Variants in KRT76 observed in about 807,000 individuals in gnomAD.
KRT76 encodes keratin 76.
A neutral mutation model predicts 44.9 loss-of-function variants in KRT76; 47 were observed. That is an observed-to-expected ratio of 1.05 (90% CI 0.83 to 1.33). KRT76 has a LOEUF of 1.33. KRT76 is among the 40% of genes most tolerant of loss of function. KRT76 has a pLI of 0.00. For synonymous variants in KRT76, 331 were observed against 294.1 expected (o/e 1.13, Z -1.28); for missense variants, 860 against 775.8 (o/e 1.11, Z -1.29).
chr12:52,770,361 C>T (rs530294191), intron 7 of KRT76, among the ~76,000 whole-genome samples: 45 of 152,320 alleles, frequency 3.0e-4, no homozygotes, highest in African/African-American at 9.4e-4. Context: ...AGAAACTCAG[C>T]AGAAAGATCT....
Position 52,768,329 on chromosome 12 carries a change from A to C in KRT76, c.*384T>G. Reference sequence around the variant, plus strand: ...TTGGCCGTGCACCCTCCAGCACAGAACCCATGGCTCTGCCCTCCTCAGACA... The same window carrying C: ...TTGGCCGTGCACCCTCCAGCACAGACCCCATGGCTCTGCCCTCCTCAGACA... On this transcript the variant is annotated 3_prime_UTR_variant, in exon 9 of 9. Coordinates refer to ENST00000332411, the MANE Select transcript of KRT76 (RefSeq NM_015848.4). 5.4e-6 allele frequency: 1 copy of C among 186,606 alleles called. No homozygotes were observed. Among genetic ancestry groups the C allele is most frequent in the East Asian group, 1.4e-4 (1 of 7,200 alleles). 11.6% of individuals were successfully genotyped at this position (186,606 alleles called of 1,614,324 possible). A position where few individuals can be genotyped will look rare whatever the true frequency, so the allele number is the denominator to read the frequency against.
intron 3 of KRT76, among the ~76,000 whole-genome samples, 193 bp from the exon 4 acceptor site, chr12:52,773,071 C>G (rs1268975224): frequency 6.6e-6 from 1 of 152,104 alleles, no homozygotes; most frequent in African/African-American, 2.4e-5. Context: ...ATATCAAGCC[C>G]CAATACTTTA....
chr12:52,776,974 A>C lies in KRT76; in HGVS notation c.318T>G (p.Phe106Leu), dbSNP rs116352440. ...GGFGGSYGGG[F>L]GGGRGVGSGF... is the part of the protein sequence containing the mutation. ...CACTACCTACTCCTCTGCCACCACC[A>C]AAGCCACCACCATAGCTGCCCCCAA... Residue 106 changes from phenylalanine to leucine, a missense_variant, in exon 1 of 9, where the codon TTT becomes TTG. By Grantham distance (22) the Phe-to-Leu change is conservative. Transcript: ENST00000332411. The C allele has an allele frequency of 3.2e-3, 5,137 of 1,613,810 alleles. 142 individuals are homozygous for C. In the African/African-American group the frequency reaches 0.061, roughly 19 times the overall value.
intron 7 of KRT76, among the ~76,000 whole-genome samples, chr12:52,770,491 G>A (rs6421173): frequency 6.6e-6 from 1 of 152,014 alleles, no homozygotes; most frequent in Non-Finnish European, 1.5e-5. Context: ...TATGGACTCA[G>A]CTTCAGGGGT....
chr12:52,776,770 G>C lies in KRT76; in HGVS notation c.522C>G (p.Pro174=). ...LLQPLNVEID[P]QIGQVKAQER... ...CCTGGGCCTTTACTTGCCCAATCTG[G>C]GGGTCGATCTCCACATTGAGGGGCT... Residue 174 remains proline (P), a synonymous_variant, in exon 1 of 9, where the codon CCC becomes CCG. Coordinates refer to ENST00000332411, the MANE Select transcript of KRT76 (RefSeq NM_015848.4). 6.2e-7 allele frequency: 1 copy of C among 1,613,928 alleles called. No individual in the cohort carries two copies. The highest frequency in any genetic ancestry group is 8.5e-7 in the Non-Finnish European group (1 of 1,179,982).
At chr12:52,772,390 C>T (rs1240977909) in intron 4 of KRT76, 132 bp from the exon 5 acceptor site, 4 of 838,432 alleles carry the variant, frequency 4.8e-6, no homozygotes, top group Non-Finnish European at 7.2e-6. Flanking sequence ...ACATTTTAGG[C>T]CTGGCTACAG....
chr12:52,775,620 G>A lies in KRT76; in HGVS notation c.601-18C>T. 1.2e-6 allele frequency: 2 copies of A among 1,607,194 alleles called. No homozygotes were observed. The highest frequency in any genetic ancestry group is 1.1e-5 in the South Asian group (1 of 90,732). On this transcript the variant is annotated intron_variant, in intron 1 of 8. Coordinates refer to ENST00000332411, the MANE Select transcript of KRT76 (RefSeq NM_015848.4). ...AACCGCACCTGCATGAAAGAGGGGAGAAAAGGAGTCAGCCCCTTGAGTTGG... is the reference window on the plus strand; with the variant it reads ...AACCGCACCTGCATGAAAGAGGGGAAAAAAGGAGTCAGCCCCTTGAGTTGG...
At position 52,777,144 on chromosome 12, in the gene KRT76, C is replaced by G. The variant is rs1939275929; in HGVS notation, c.148G>C (p.Ala50Pro). 1 of 1,614,230 alleles carries G rather than the reference C, an allele frequency of 6.2e-7. No homozygotes were observed. The highest frequency in any genetic ancestry group is 8.5e-7 in the Non-Finnish European group (1 of 1,180,038). The stretch of plus-strand genomic sequence containing the variant: ...AGGCTGCGACTGCCAAAGCTGCCTG[C>G]TCCGCTCCTGAAGCCACAGGCCCCT... ...GGGACGFRSG[A>P]GSFGSRSLYN... The change falls in exon 1 of 9, where the codon GCA (alanine) becomes CCA (proline). Residue 50 changes from alanine to proline, a missense_variant. Ala to Pro is a conservative substitution (Grantham distance 27). Transcript: ENST00000332411.
At chr12:52,774,340 G>A (rs1390988946) in intron 2 of KRT76, among the ~76,000 whole-genome samples, 1 of 152,162 alleles carries the variant, frequency 6.6e-6, no homozygotes, top group Non-Finnish European at 1.5e-5. Flanking sequence ...ACTTTGCAAA[G>A]CACAATGTGT....
At chr12:52,775,703 A>G (rs1440603691) in intron 1 of KRT76, 101 bp from the exon 2 acceptor site, 1 of 852,990 alleles carries the variant, frequency 1.2e-6, no homozygotes, top group African/African-American at 1.7e-5. Flanking sequence ...CAGTTCTTCA[A>G]TCTACAATTT....
rs1463001515 is a variant in KRT76 at position 52,777,076 on chromosome 12, T to C, written c.216A>G (p.Ala72=). ...GSNKSISISV[A]AGSSRAGGFG... The stretch of plus-strand genomic sequence containing the variant: ...AGCCTCCAGCCCGGGAGCTGCCAGC[T>C]GCCACGCTGATGGAGATGCTCTTGT... Residue 72 remains alanine (A), a synonymous_variant, in exon 1 of 9, where the codon GCA becomes GCG. Transcript: ENST00000332411. 1.2e-6 allele frequency: 2 copies of C among 1,614,190 alleles called. No individual in the cohort carries two copies. Among genetic ancestry groups the C allele is most frequent in the Non-Finnish European group, 1.7e-6 (2 of 1,180,030 alleles).
chr12:52,771,447 T>A (rs557153434), intron 6 of KRT76, among the ~76,000 whole-genome samples: 1 of 152,320 alleles, frequency 6.6e-6, no homozygotes, highest in East Asian at 1.9e-4. Flanking sequence ...TGCTTTCCTA[T>A]GCTGTTACAG....
Position 52,768,760 on chromosome 12 carries a change from G to C in KRT76, c.1870C>G (p.Arg624Gly). ...KSGGGGSTSI[R>G]FSQTTSSSQH... Reference sequence around the variant, plus strand: ...CTTGAGCTCGTGGTCTGGGAGAAGCGGATACTGGTGCTGCCTCCACCACCA... The same window carrying C: ...CTTGAGCTCGTGGTCTGGGAGAAGCCGATACTGGTGCTGCCTCCACCACCA... The change falls in exon 9 of 9, where the codon CGC becomes GGC. Residue 624 changes from arginine (R) to glycine (G), a missense_variant. By Grantham distance (125) the Arg-to-Gly change is moderately radical. Coordinates refer to ENST00000332411, the MANE Select transcript of KRT76 (RefSeq NM_015848.4). 1 of 1,610,622 alleles carries C rather than the reference G, an allele frequency of 6.2e-7. No individual in the cohort carries two copies. The highest frequency in any genetic ancestry group is 1.7e-5 in the Admixed American group (1 of 59,942).
rs1939275577 is a variant in KRT76 at position 52,777,127 on chromosome 12, A to G, written c.165T>C (p.Ser55=). ...GFRSGAGSFG[S]RSLYNLGSNK... ...TGCTGCCCAGGTTGTAGAGGCTGCGACTGCCAAAGCTGCCTGCTCCGCTCC... is the reference window on the plus strand; with the variant it reads ...TGCTGCCCAGGTTGTAGAGGCTGCGGCTGCCAAAGCTGCCTGCTCCGCTCC... The change falls in exon 1 of 9, where the codon AGT becomes AGC. Residue 55 remains serine (S), a synonymous_variant. Coordinates refer to ENST00000332411, the MANE Select transcript of KRT76 (RefSeq NM_015848.4). The G allele has an allele frequency of 6.2e-7, 1 of 1,614,188 alleles. No individual in the cohort carries two copies. The highest frequency in any genetic ancestry group is 8.5e-7 in the Non-Finnish European group (1 of 1,180,038).
intron 7 of KRT76, among the ~76,000 whole-genome samples, chr12:52,770,153 T>C (rs1215767623): frequency 6.6e-6 from 1 of 152,194 alleles, no homozygotes; most frequent in Non-Finnish European, 1.5e-5. Flanking sequence ...TGAGAAGATA[T>C]GGATTGGGTC....
Position 52,768,394 on chromosome 12 carries a change from A to G in KRT76, c.*319T>C, listed in dbSNP as rs1253735963. 2 of 281,672 alleles carry G rather than the reference A, an allele frequency of 7.1e-6. No individual in the cohort carries two copies. The highest frequency in any genetic ancestry group is 2.1e-5 in the African/African-American group (1 of 46,858). 17.4% of individuals were successfully genotyped at this position (281,672 alleles called of 1,614,324 possible). ...GGCTTCAAATCTCCAACTCCCAGTA[A>G]GAAAGGGAGATGGGCCAGAGTGGGA... On this transcript the variant is annotated 3_prime_UTR_variant, in exon 9 of 9. Transcript: ENST00000332411.
Position 52,771,058 on chromosome 12 carries a change from C to T in KRT76, c.1425G>A (p.Lys475=), listed in dbSNP as rs61730595. 7.3e-3 allele frequency: 11,820 copies of T among 1,614,082 alleles called. 608 individuals are homozygous for T. In the African/African-American group the frequency reaches 0.13, roughly 17 times the overall value. Residue 475 remains lysine (K), a synonymous_variant, in exon 7 of 9, where the codon AAG becomes AAA. Coordinates refer to ENST00000332411, the MANE Select transcript of KRT76 (RefSeq NM_015848.4). Reference sequence around the variant, plus strand: ...TGGCAATCTCCACATCCAGGGCCAGCTTGACGTTCATCAGCTCCTGGTAGT... The same window carrying T: ...TGGCAATCTCCACATCCAGGGCCAGTTTGACGTTCATCAGCTCCTGGTAGT... ...LRDYQELMNV[K]LALDVEIATY...
At position 52,768,982 on chromosome 12, in the gene KRT76, C is replaced by T; in HGVS notation, c.1648G>A (p.Gly550Arg). The T allele has an allele frequency of 1.8e-6, 2 of 1,110,146 alleles. No homozygotes were observed. Among genetic ancestry groups the T allele is most frequent in the Non-Finnish European group, 2.7e-6 (2 of 740,958 alleles). The allele number at this position is 1,110,146 out of a possible 1,614,324, so 68.8% of individuals were successfully genotyped here. ...CCACTGCCGCTGCCGCCACTGACTC[C>T]ATAGCCACTGCTGCTGCTGCTGCTG... is the stretch of plus-strand genomic sequence containing the variant. ...GSSSSSSSGY[G>R]VSGGSGSGYG... Residue 550 changes from glycine (G) to arginine (R), a missense_variant, in exon 9 of 9, where the codon GGA (glycine) becomes AGA (arginine). Gly to Arg is a moderately radical substitution (Grantham distance 125). Transcript: ENST00000332411.
At position 52,775,571 on chromosome 12, in the gene KRT76, AG is replaced by A. The variant is rs765570274; in HGVS notation, c.631del (p.Leu211TrpfsTer35). ...CTGGAGCAGTTCCCACTTGGTCTCC[AG>A]GACCTTGTTCTGCTGTTCCAGGAAC... Reference protein sequence around the residue: ...VRFLEQQNKVLETKWELLQQQ... With the variant: ...VRFLEQQNKVXETKWELLQQQ... On this transcript the variant is annotated frameshift_variant, in exon 2 of 9. Coordinates refer to ENST00000332411, the MANE Select transcript of KRT76 (RefSeq NM_015848.4). LOFTEE classifies it high-confidence loss of function. The A allele has an allele frequency of 6.2e-7, 1 of 1,613,894 alleles. No homozygotes were observed. Among genetic ancestry groups the A allele is most frequent in the Non-Finnish European group, 8.5e-7 (1 of 1,180,026 alleles).
Sources: gnomAD v4.1 joint callset for allele counts (sites outside exome capture counted in the v4.1 genomes callset) on GRCh38, gnomAD v4.1.1 for gene constraint, MANE v1.5 for transcripts, NCBI Gene and HGNC (gene_info 2026-07-23, HGNC 2026-07-21) for gene names.